The following IMPG1 variants were observed in gnomAD, a reference collection of about 807,000 sequenced individuals.
IMPG1 encodes interphotoreceptor matrix proteoglycan 1.
Under a neutral mutation model 92.0 loss-of-function variants are expected in IMPG1, and 85 were observed. The ratio of observed to expected loss-of-function variants is 0.92; its 90% CI spans 0.78 to 1.11. The LOEUF is 1.11. Ranked by LOEUF, IMPG1 falls within the 50% of genes least tolerant of loss-of-function variation. The probability of loss-of-function intolerance (pLI) is 0.00; values close to 1 mark genes in which losing one functional copy is unlikely to be tolerated. For synonymous variants in IMPG1, 367 were observed against 334.1 expected (o/e 1.10, Z -1.08); for missense variants, 1,022 against 956.0 (o/e 1.07, Z -0.91).
rs575826282 is a variant in IMPG1 at position 76,022,495 on chromosome 6, A to C, written c.563-276T>G. Among the ~76,000 whole-genome samples the C allele has an allele frequency of 1.8e-4, 28 of 152,234 alleles. 1 individual carries two copies. The South Asian group carries it at 5.8e-3, about 32-fold the overall frequency. ...GCTTTTGCCAGATGAGACCTGATTA[A>C]TTTTTTCTTAATGACACTATATAAA... On this transcript the variant is annotated intron_variant, in intron 5 of 16. Transcript: ENST00000369950.
intron 7 of IMPG1, among the ~76,000 whole-genome samples, chr6:76,015,656 C>T (rs894773027): frequency 2.0e-5 from 3 of 151,730 alleles, no homozygotes; most frequent in Non-Finnish European, 4.4e-5. Context: ...CAAAATTAGC[C>T]AGCCTTGGTG....
chr6:76,006,436 A>G (rs1454886471), intron 9 of IMPG1, among the ~76,000 whole-genome samples: 1 of 148,084 alleles, frequency 6.8e-6, no homozygotes, highest in African/African-American at 2.5e-5. Context: ...ACCCATCCAT[A>G]TACCCATATA....
At chr6:76,029,137 G>C (rs890271364) in intron 4 of IMPG1, among the ~76,000 whole-genome samples, 10 of 152,190 alleles carry the variant, frequency 6.6e-5, no homozygotes, top group Non-Finnish European at 8.8e-5. Flanking sequence ...TCCCTGTACA[G>C]GGTTCTTGAC....
At chr6:75,980,306 C>T (rs1782606356) in intron 12 of IMPG1, among the ~76,000 whole-genome samples, 1 of 152,132 alleles carries the variant, frequency 6.6e-6, no homozygotes, top group Non-Finnish European at 1.5e-5. Context: ...AAAGGTATAT[C>T]AGGAAAGGAA....
At chr6:76,058,309 A>G (rs762194377) in intron 1 of IMPG1, among the ~76,000 whole-genome samples, 1 of 152,204 alleles carries the variant, frequency 6.6e-6, no homozygotes, top group Non-Finnish European at 1.5e-5. Context: ...TAGAGAGAAG[A>G]TACTTCAAAT....
chr6:76,047,647 T>C (rs979975281), intron 1 of IMPG1, among the ~76,000 whole-genome samples: 1 of 152,342 alleles, frequency 6.6e-6, no homozygotes, highest in African/African-American at 2.4e-5. Context: ...TAGTACAATG[T>C]TTTGTACATG....
intron 6 of IMPG1, among the ~76,000 whole-genome samples, chr6:76,021,602 T>C (rs544492531): frequency 6.6e-6 from 1 of 151,998 alleles, no homozygotes; most frequent in South Asian, 2.1e-4. Context: ...ACTGTGTTTA[T>C]TTTTCCCTAG....
At chr6:76,021,732 G>A (rs1783427121) in intron 6 of IMPG1, among the ~76,000 whole-genome samples, 1 of 129,494 alleles carries the variant, frequency 7.7e-6, no homozygotes, top group Non-Finnish European at 1.6e-5. Flanking sequence ...TGGTGAAAGA[G>A]CTTCATGATT....
At chr6:76,005,625 A>G (rs565079339) in intron 9 of IMPG1, 91 bp from the exon 10 acceptor site, 2 of 1,335,220 alleles carry the variant, frequency 1.5e-6, no homozygotes, top group East Asian at 2.3e-5. Flanking sequence ...GCTTCAGGAT[A>G]GCTTCCACCT....
At chr6:76,023,137 GAA>G (rs1271748316) in intron 5 of IMPG1, among the ~76,000 whole-genome samples, 2 of 152,248 alleles carry the variant, frequency 1.3e-5, no homozygotes, top group African/African-American at 2.4e-5. Context: ...GTGGGTATCA[GAA>G]TCATCTAGGC....
At chr6:75,995,720 G>T (rs900173992) in intron 12 of IMPG1, among the ~76,000 whole-genome samples, 2 of 152,070 alleles carry the variant, frequency 1.3e-5, no homozygotes, top group African/African-American at 2.4e-5. Context: ...TTTTTAGATT[G>T]GCTGTTAAGC....
At chr6:75,926,728 C>CAA (rs60208319) in intron 15 of IMPG1, among the ~76,000 whole-genome samples, 1 of 151,588 alleles carries the variant, frequency 6.6e-6, no homozygotes, top group Non-Finnish European at 1.5e-5. Flanking sequence ...CTGATTACAC[C>CAA]AAAAAAAGGA....
intron 12 of IMPG1, among the ~76,000 whole-genome samples, chr6:75,964,002 C>T (rs992771634): frequency 6.6e-6 from 1 of 152,132 alleles, no homozygotes; most frequent in African/African-American, 2.4e-5. Flanking sequence ...ACACAATAGA[C>T]TAAGCAAAAA....
intron 1 of IMPG1, among the ~76,000 whole-genome samples, chr6:76,061,426 G>A (rs555688057): frequency 7.9e-5 from 12 of 152,208 alleles, no homozygotes; most frequent in Non-Finnish European, 1.3e-4. Flanking sequence ...AGCTATCTCA[G>A]GTATGTTCTC....
At chr6:76,043,626 A>G (rs746868686) in intron 1 of IMPG1, among the ~76,000 whole-genome samples, 6 of 152,156 alleles carry the variant, frequency 3.9e-5, no homozygotes, top group Non-Finnish European at 8.8e-5. Flanking sequence ...AATTTTGAAA[A>G]TCCTTGGGTA....
In IMPG1 at chr6:75,965,828, C is replaced by T. The variant is rs146934691; in HGVS notation, c.1292-14734G>A. Among the ~76,000 whole-genome samples, 13 of 152,138 alleles carry T rather than the reference C, an allele frequency of 8.5e-5. No individual in the cohort carries two copies. In the East Asian group the frequency reaches 1.9e-3, roughly 23 times the overall value. On this transcript the variant is annotated intron_variant, in intron 12 of 16. Coordinates refer to ENST00000369950, the MANE Select transcript of IMPG1 (RefSeq NM_001563.4). ...TTCACCGTGTTAGCCAGGATGGTCT[C>T]GATCTCCTGACCTTGTGATCTGCCC... is the stretch of plus-strand genomic sequence containing the variant.
intron 14 of IMPG1, among the ~76,000 whole-genome samples, chr6:75,945,454 G>A (rs1781910812): frequency 6.6e-6 from 1 of 150,824 alleles, no homozygotes; most frequent in Non-Finnish European, 1.5e-5. Context: ...GGGTTCAAGC[G>A]ATTCTCCTGC....
rs112054977 is a variant in IMPG1, at chr6:75,945,297, C to T, written c.2044+2017G>A. 9.4e-4 allele frequency among the ~76,000 whole-genome samples: 141 copies of T among 150,052 alleles called. 1 individual carries two copies. Among genetic ancestry groups the T allele is most frequent in the African/African-American group, 3.3e-3 (134 of 40,822 alleles). On this transcript the variant is annotated intron_variant, in intron 14 of 16. Transcript: ENST00000369950. ...TGCTATATTAAGTATTGTAAATATT[C>T]TTTCAGTTAGTTCTCATAATGTTAC...
intron 1 of IMPG1, among the ~76,000 whole-genome samples, chr6:76,058,998 C>T (rs1784163098): frequency 6.6e-6 from 1 of 152,010 alleles, no homozygotes; most frequent in Non-Finnish European, 1.5e-5. Context: ...TTTATGTGAG[C>T]CTATTGAGGC....
Sources: gnomAD v4.1 joint callset for allele counts (sites outside exome capture counted in the v4.1 genomes callset) on GRCh38, gnomAD v4.1.1 for gene constraint, MANE v1.5 for transcripts, NCBI Gene and HGNC (gene_info 2026-07-23, HGNC 2026-07-21) for gene names.